Variants in CUL2 observed in about 807,000 individuals in gnomAD.
CUL2 encodes cullin-2.
CUL2 carries 22 observed loss-of-function variants against 110.2 expected under a neutral mutation model. That is an observed-to-expected ratio of 0.20 (90% CI 0.14 to 0.28). The LOEUF is 0.28. Ranked by LOEUF, CUL2 falls within the 10% of genes least tolerant of loss-of-function variation. The pLI is 1.00. For synonymous variants in CUL2, 279 were observed against 293.2 expected, an observed-to-expected ratio of 0.95 and a Z score of 0.49; for missense variants, 631 against 905.5, an observed-to-expected ratio of 0.70 and a Z score of 3.89.
intron 1 of CUL2, among the ~76,000 whole-genome samples, chr10:35,125,343 T>C (rs753728450): frequency 6.6e-6 from 1 of 152,268 alleles, no homozygotes; most frequent in Non-Finnish European, 1.5e-5. Context: ...TACATACATA[T>C]GGGAGTAAAA....
chr10:35,080,570 G>T (rs980445379), intron 1 of CUL2, among the ~76,000 whole-genome samples: 1 of 151,704 alleles, frequency 6.6e-6, no homozygotes, highest in Admixed American at 6.6e-5. Flanking sequence ...TGATCCTCCC[G>T]CCTCAGCCTC....
chr10:35,010,642 A>T (rs1366163877), intron 20 of CUL2, among the ~76,000 whole-genome samples, 200 bp from the exon 21 acceptor site: 1 of 152,154 alleles, frequency 6.6e-6, no homozygotes, highest in African/African-American at 2.4e-5. Flanking sequence ...GAAACAATAA[A>T]CTAATTAACC....
rs980833549 is a variant in CUL2, at chr10:35,031,850, T to C, written c.1171-231A>G. On this transcript the variant is annotated intron_variant, in intron 12 of 20. Coordinates refer to ENST00000374749, the MANE Select transcript of CUL2 (RefSeq NM_003591.4). The surrounding 1 kb of genome is among the most constrained non-coding windows in gnomAD (Gnocchi z 4.4). Reference sequence around the variant, plus strand: ...GATCCTCCTGCCTCAGCCTCCCAAGTAGTTGGGACTACAGGCATGCACAAC... The same window carrying C: ...GATCCTCCTGCCTCAGCCTCCCAAGCAGTTGGGACTACAGGCATGCACAAC... Among the ~76,000 whole-genome samples the C allele has an allele frequency of 4.6e-5, 7 of 152,172 alleles. No homozygotes were observed. The highest frequency in any genetic ancestry group is 1.0e-4 in the Non-Finnish European group (7 of 68,038).
chr10:35,081,576 TAC>T (rs1160718540), intron 1 of CUL2, among the ~76,000 whole-genome samples: 1 of 152,208 alleles, frequency 6.6e-6, no homozygotes, highest in Non-Finnish European at 1.5e-5. Flanking sequence ...AACCAGCCTT[TAC>T]ACAAATTATC....
At chr10:35,096,528 A>T (rs2087302789) in intron 2 of CUL2, among the ~76,000 whole-genome samples, 1 of 152,176 alleles carries the variant, frequency 6.6e-6, no homozygotes, top group Admixed American at 6.6e-5. Context: ...TGGGAGGATC[A>T]CTTGAGTCCA....
At chr10:35,021,770 G>A (rs79273990) in intron 17 of CUL2, among the ~76,000 whole-genome samples, 6 of 149,066 alleles carry the variant, frequency 4.0e-5, no homozygotes, top group Non-Finnish European at 5.9e-5. Flanking sequence ...CTGTGATCGC[G>A]CACCTCCACT....
In CUL2 at chr10:35,063,116, T is replaced by A. The variant is rs1405204625; in HGVS notation, c.120-54A>T. The A allele has an allele frequency of 9.7e-6, 10 of 1,033,208 alleles. No individual in the cohort carries two copies. The East Asian group carries it at 2.2e-4, about 22-fold the overall frequency. The allele number at this position is 1,033,208 out of a possible 1,614,324, so 64.0% of individuals were successfully genotyped here. On this transcript the variant is annotated intron_variant, in intron 2 of 20. Coordinates refer to ENST00000374749, the MANE Select transcript of CUL2 (RefSeq NM_003591.4). ...TATTGGAGACAATTTTAAAACATAA[T>A]GAGATTTACCTTGTTTGGCATTAAA...
chr10:35,045,931 T>G (rs933330834), intron 6 of CUL2, among the ~76,000 whole-genome samples: 1 of 152,182 alleles, frequency 6.6e-6, no homozygotes, highest in African/African-American at 2.4e-5. Context: ...AGAAAACTTA[T>G]TATCATCATT....
chr10:35,022,838 C>T (rs1209563755), intron 17 of CUL2, among the ~76,000 whole-genome samples: 1 of 151,826 alleles, frequency 6.6e-6, no homozygotes, highest in Non-Finnish European at 1.5e-5. Context: ...CGAGGTCAGG[C>T]GTTCGAGACC....
At chr10:35,032,373 G>A (rs917100489) in intron 12 of CUL2, 62 bp downstream of exon 12, 1 of 1,338,004 alleles carries the variant, frequency 7.5e-7, no homozygotes, top group African/African-American at 1.5e-5. Context: ...TTGATATTCT[G>A]AGTTCTCATT....
upstream of CUL2, among the ~76,000 whole-genome samples, chr10:35,091,265 T>G (rs925614537): frequency 1.3e-5 from 2 of 152,164 alleles, no homozygotes; most frequent in African/African-American, 4.8e-5. Flanking sequence ...TCTTGTTCAT[T>G]TATACGATTC....
At chr10:35,095,401 T>C (rs1295025964), upstream of CUL2, among the ~76,000 whole-genome samples, 1 of 152,132 alleles carries the variant, frequency 6.6e-6, no homozygotes, top group Non-Finnish European at 1.5e-5. Context: ...GAATCATGTT[T>C]GGGTTGATGT....
At chr10:35,075,067 A>T (rs971035506) in intron 1 of CUL2, among the ~76,000 whole-genome samples, 2 of 152,094 alleles carry the variant, frequency 1.3e-5, no homozygotes, top group South Asian at 2.1e-4. Context: ...TTTTTGCTTT[A>T]TGGAATCAGA....
In CUL2 at chr10:35,059,480, T is replaced by C. The variant is rs146584372; in HGVS notation, c.317+1394A>G. Among the ~76,000 whole-genome samples the C allele has an allele frequency of 1.5e-3, 228 of 152,228 alleles. 1 individual carries two copies. The highest frequency in any genetic ancestry group is 5.2e-3 in the African/African-American group (214 of 41,544). ...AGCATTTTTTTTAGCAATAAAGTAA[T>C]TTTAAATTAAGTTGTGCACATTTTT... On this transcript the variant is annotated intron_variant, in intron 4 of 20. Transcript: ENST00000374749.
intron 1 of CUL2, among the ~76,000 whole-genome samples, chr10:35,081,471 A>G (rs936160362): frequency 6.6e-6 from 1 of 152,218 alleles, no homozygotes; most frequent in African/African-American, 2.4e-5. Flanking sequence ...TCATATATGT[A>G]TCCCCGATCT....
intron 8 of CUL2, among the ~76,000 whole-genome samples, chr10:35,040,037 C>G (rs547320773): frequency 6.6e-6 from 1 of 152,230 alleles, no homozygotes; most frequent in South Asian, 2.1e-4. Flanking sequence ...CCTGTAGCAC[C>G]AGCTACTCGG....
intron 2 of CUL2, among the ~76,000 whole-genome samples, chr10:35,068,738 G>A (rs2086602704): frequency 1.3e-5 from 2 of 152,108 alleles, no homozygotes; most frequent in African/African-American, 4.8e-5. Context: ...CCTTTTCAAA[G>A]TATTTACATT....
At chr10:35,069,233 T>TG (rs1249855032) in intron 2 of CUL2, among the ~76,000 whole-genome samples, 1 of 151,766 alleles carries the variant, frequency 6.6e-6, no homozygotes, top group Non-Finnish European at 1.5e-5. Flanking sequence ...CATGATCAGG[T>TG]GAAAAATAAC....
At chr10:35,052,975 A>G (rs908197770) in intron 5 of CUL2, among the ~76,000 whole-genome samples, 7 of 152,196 alleles carry the variant, frequency 4.6e-5, no homozygotes, top group African/African-American at 1.7e-4. Flanking sequence ...AAGCTTTCAC[A>G]AAAAACAAAC....
Sources: gnomAD v4.1 joint callset for allele counts (sites outside exome capture counted in the v4.1 genomes callset) on GRCh38, gnomAD v4.1.1 for gene constraint, Gnocchi (gnomAD v3.1) non-coding constraint, MANE v1.5 for transcripts, NCBI Gene and HGNC (gene_info 2026-07-23, HGNC 2026-07-21) for gene names.